Variants in DNAJC9 observed in about 807,000 individuals in gnomAD.
DNAJC9 encodes dnaJ homolog subfamily C member 9.
A neutral mutation model predicts 32.4 loss-of-function variants in DNAJC9; 18 were observed. The observed-to-expected ratio is 0.56, with a 90% CI of 0.38 to 0.82. The LOEUF is 0.82. Ranked by LOEUF, DNAJC9 falls within the 40% of genes least tolerant of loss-of-function variation. The probability of loss-of-function intolerance (pLI) is 0.00; values close to 1 mark genes in which losing one functional copy is unlikely to be tolerated. For synonymous variants in DNAJC9, 113 were observed against 122.1 expected (o/e 0.93, Z 0.49); for missense variants, 310 against 321.8 (o/e 0.96, Z 0.28).
At position 73,247,100 on chromosome 10, in the gene DNAJC9, C is replaced by A. The variant is rs2044023864; in HGVS notation, c.90G>T (p.Glu30Asp). Residue 30 changes from glutamate to aspartate, a missense_variant, in exon 1 of 5, where the codon GAG (glutamate) becomes GAT (aspartate). Glu to Asp is a conservative substitution (Grantham distance 45). Transcript: ENST00000372950. The stretch of plus-strand genomic sequence containing the variant: ...ACACCTTGTGGTAGCCTCGTCGGAC[C>A]TCGCCGTCGGAGGCCTCGCGTCGCA... ...LGVRREASDG[E>D]VRRGYHKVSL... is the part of the protein sequence containing the mutation. The A allele has an allele frequency of 3.8e-6, 6 of 1,596,018 alleles. No homozygotes were observed. The highest frequency in any genetic ancestry group is 5.1e-6 in the Non-Finnish European group (6 of 1,172,218).
intron 2 of DNAJC9, chr10:73,232,951 C>T (rs2133405140): frequency 6.5e-7 from 1 of 1,547,844 alleles, no homozygotes; most frequent in East Asian, 2.4e-5. Flanking sequence ...ATCTTGATGA[C>T]AAGCTACTTA....
downstream of DNAJC9, chr10:73,239,178 G>A: frequency 3.0e-6 from 2 of 663,236 alleles, no homozygotes; most frequent in South Asian, 2.0e-5. Context: ...AGTGCACTCA[G>A]CTGACTTTTC....
Position 73,246,701 on chromosome 10 carries a change from AGCC to A in DNAJC9, c.305_307del (p.Arg102del), listed in dbSNP as rs2133430849. On this transcript the variant is annotated inframe_deletion, in exon 2 of 5. Coordinates refer to ENST00000372950, the MANE Select transcript of DNAJC9 (RefSeq NM_015190.5). ...AGAGTCCTTTACCTTTTTAAAGAGTAGCCGCCAATACGCCTCCCAGTCTCGGTC... is the reference window on the plus strand; with the variant it reads ...AGAGTCCTTTACCTTTTTAAAGAGTAGCCAATACGCCTCCCAGTCTCGGTC... 1 of 1,613,982 alleles carries A rather than the reference AGCC, an allele frequency of 6.2e-7. No homozygotes were observed. The highest frequency in any genetic ancestry group is 8.5e-7 in the Non-Finnish European group (1 of 1,179,868).
intron 3 of DNAJC9, 104 bp from the exon 4 acceptor site, chr10:73,244,033 T>C: frequency 2.2e-6 from 2 of 890,166 alleles, no homozygotes; most frequent in South Asian, 1.6e-5. Context: ...TTTATGAATA[T>C]ATGAATAGAC....
intron 2 of DNAJC9, among the ~76,000 whole-genome samples, chr10:73,232,297 T>C (rs1057176154): frequency 2.7e-4 from 41 of 152,340 alleles, no homozygotes; most frequent in Admixed American, 1.2e-3. Context: ...ATTTTATTTA[T>C]TGGACGACTT....
chr10:73,237,421 CTTTT>C (rs539055192), downstream of DNAJC9, among the ~76,000 whole-genome samples: 1 of 145,862 alleles, frequency 6.9e-6, no homozygotes, highest in Non-Finnish European at 1.5e-5. Context: ...TTCTCTGAAA[CTTTT>C]TTTTTTTTTG....
At chr10:73,236,557 G>A (rs369674445), downstream of DNAJC9, among the ~76,000 whole-genome samples, 16 of 151,966 alleles carry the variant, frequency 1.1e-4, no homozygotes, top group Admixed American at 8.5e-4. Flanking sequence ...GGGACTACAG[G>A]TGCCTGCCAC....
downstream of DNAJC9, chr10:73,235,018 T>A: frequency 4.0e-6 from 6 of 1,505,942 alleles, no homozygotes; most frequent in Non-Finnish European, 4.5e-6. Context: ...ATCTGTGCCC[T>A]GATCTTGATT....
At chr10:73,246,197 C>T in intron 2 of DNAJC9, 21 bp from the exon 3 acceptor site, 1 of 1,585,410 alleles carries the variant, frequency 6.3e-7, no homozygotes, top group Non-Finnish European at 8.5e-7. Context: ...AGGAGATTTG[C>T]TTTAACTTTG....
downstream of DNAJC9, among the ~76,000 whole-genome samples, chr10:73,239,573 T>C (rs1197331102): frequency 6.6e-6 from 1 of 152,202 alleles, no homozygotes; most frequent in African/African-American, 2.4e-5. Context: ...GAGAGTTCTA[T>C]TGCTCAGAGC....
chr10:73,240,296 C>T (rs2043912035), downstream of DNAJC9, among the ~76,000 whole-genome samples: 1 of 152,238 alleles, frequency 6.6e-6, no homozygotes, highest in Non-Finnish European at 1.5e-5. Flanking sequence ...CTCAAACCAT[C>T]TTTGTAGTCC....
At chr10:73,245,901 C>A in intron 3 of DNAJC9, 21 bp downstream of exon 3, 1 of 1,605,134 alleles carries the variant, frequency 6.2e-7, no homozygotes. Context: ...AAATATAAAT[C>A]CACAGTATTC....
chr10:73,234,978 A>G (rs1309506975), downstream of DNAJC9: 1 of 1,547,666 alleles, frequency 6.5e-7, no homozygotes, highest in Non-Finnish European at 8.7e-7. Flanking sequence ...TGTACTTACC[A>G]TACAACCTAA....
At chr10:73,239,747 T>C (rs2043900104), downstream of DNAJC9, among the ~76,000 whole-genome samples, 1 of 152,216 alleles carries the variant, frequency 6.6e-6, no homozygotes, top group Non-Finnish European at 1.5e-5. Context: ...GATTTTATTA[T>C]GCAGGCAAAA....
In DNAJC9 at chr10:73,247,157, G is replaced by A. The variant is rs1383598786; in HGVS notation, c.33C>T (p.Phe11=). MGLLDLCEEV[F]GTADLYRVLG... ...GCACCCGGTAAAGGTCGGCGGTGCC[G>A]AACACTTCCTCGCAAAGGTCCAGCA... is the stretch of plus-strand genomic sequence containing the variant. The change falls in exon 1 of 5, where the codon TTC becomes TTT. Residue 11 remains phenylalanine (F), a synonymous_variant. Transcript: ENST00000372950. 13 of 1,597,030 alleles carry A rather than the reference G, an allele frequency of 8.1e-6. No homozygotes were observed. Among genetic ancestry groups the A allele is most frequent in the Non-Finnish European group, 1.1e-5 (13 of 1,172,804 alleles).
At chr10:73,234,930 A>T (rs1207564500), downstream of DNAJC9, 1 of 1,552,032 alleles carries the variant, frequency 6.4e-7, no homozygotes, top group Non-Finnish European at 8.7e-7. Context: ...GTGGGGCCAC[A>T]AAGACAGATG....
downstream of DNAJC9, chr10:73,234,830 G>A (rs1033785277): frequency 6.4e-6 from 10 of 1,551,476 alleles, no homozygotes; most frequent in East Asian, 2.0e-4. Context: ...AGTGGCACCC[G>A]ACTCGCTCTC....
downstream of DNAJC9, among the ~76,000 whole-genome samples, chr10:73,240,714 CAAAA>C (rs55812252): frequency 9.4e-6 from 1 of 106,918 alleles, no homozygotes; most frequent in South Asian, 3.2e-4. Context: ...ACTCCACCTC[CAAAA>C]AAAAAAAAAA....
chr10:73,240,398 C>T (rs1290474088), downstream of DNAJC9, among the ~76,000 whole-genome samples: 1 of 152,168 alleles, frequency 6.6e-6, no homozygotes, highest in Non-Finnish European at 1.5e-5. Context: ...ATTTGAGCTA[C>T]AATTTCAGCC....
Sources: gnomAD v4.1 joint callset for allele counts (sites outside exome capture counted in the v4.1 genomes callset) on GRCh38, gnomAD v4.1.1 for gene constraint, MANE v1.5 for transcripts, NCBI Gene and HGNC (gene_info 2026-07-23, HGNC 2026-07-21) for gene names.